The following RORA variants were observed in gnomAD, a reference collection of about 807,000 sequenced individuals.
RORA encodes nuclear receptor ROR-alpha.
Under a neutral mutation model 69.5 loss-of-function variants are expected in RORA, and 7 were observed. The ratio of observed to expected loss-of-function variants is 0.10; its 90% CI spans 0.06 to 0.19. RORA has a LOEUF of 0.19. Ranked by LOEUF, RORA falls within the 10% of genes least tolerant of loss-of-function variation. RORA has a pLI of 1.00. For missense variants in RORA, 457 were observed against 663.0 expected (o/e 0.69, Z 3.41); for synonymous variants, 261 against 240.8 (o/e 1.08, Z -0.78).
intron 2 of RORA, among the ~76,000 whole-genome samples, chr15:60,649,791 A>G (rs192160814): frequency 5.1e-4 from 78 of 152,274 alleles, no homozygotes; most frequent in Admixed American, 9.8e-4. Context: ...AGCAGTGGTA[A>G]TTACCAATAG....
In RORA at chr15:61,128,169, C is replaced by G. The variant is rs1339463380; in HGVS notation, c.166+100884G>C. ...TAAGTTGGAATGATTTGTATATTTTCCCTATATCATAATTGCTGTGTGTGT... is the reference window on the plus strand; with the variant it reads ...TAAGTTGGAATGATTTGTATATTTTGCCTATATCATAATTGCTGTGTGTGT... On this transcript the variant is annotated intron_variant, in intron 1 of 10. Coordinates refer to ENST00000335670, the MANE Select transcript of RORA (RefSeq NM_134261.3). This position sits in a 1 kb window ranked among gnomAD's most constrained non-coding sequence, Gnocchi z 4.5. Among the ~76,000 whole-genome samples, 1 of 151,734 alleles carries G rather than the reference C, an allele frequency of 6.6e-6. No homozygotes were observed. Among genetic ancestry groups the G allele is most frequent in the Non-Finnish European group, 1.5e-5 (1 of 67,944 alleles).
At chr15:60,540,007 A>G (rs1372137176) in intron 2 of RORA, among the ~76,000 whole-genome samples, 5 of 152,188 alleles carry the variant, frequency 3.3e-5, no homozygotes, top group Non-Finnish European at 7.3e-5. Flanking sequence ...GTCATTTCAT[A>G]TCAGCAGGAA....
Position 61,226,441 on chromosome 15 carries a change from T to C in RORA, c.166+2612A>G, listed in dbSNP as rs904169862. On this transcript the variant is annotated intron_variant, in intron 1 of 10. Coordinates refer to ENST00000335670, the MANE Select transcript of RORA (RefSeq NM_134261.3). The surrounding 1 kb of genome is among the most constrained non-coding windows in gnomAD (Gnocchi z 4.2). ...TTCCGATATTGTAATTTATGCAACA[T>C]TAATACTGGATGCCAGCTCCAATTT... Among the ~76,000 whole-genome samples, 1 of 152,230 alleles carries C rather than the reference T, an allele frequency of 6.6e-6. No individual in the cohort carries two copies. Among genetic ancestry groups the C allele is most frequent in the Non-Finnish European group, 1.5e-5 (1 of 68,048 alleles).
chr15:60,856,675 A>G (rs1364054470), intron 1 of RORA, among the ~76,000 whole-genome samples: 2 of 152,140 alleles, frequency 1.3e-5, no homozygotes, highest in Non-Finnish European at 2.9e-5. Context: ...AATTCAGGTG[A>G]CTCCTGGCAA....
intron 1 of RORA, among the ~76,000 whole-genome samples, chr15:60,760,660 T>G (rs1272032037): frequency 1.3e-5 from 2 of 152,192 alleles, no homozygotes; most frequent in African/African-American, 4.8e-5. Flanking sequence ...TTTCACCTAA[T>G]GCATAGCAGT....
At chr15:61,134,065 T>A (rs530517693) in intron 1 of RORA, among the ~76,000 whole-genome samples, 2 of 152,308 alleles carry the variant, frequency 1.3e-5, no homozygotes, top group East Asian at 3.9e-4. Flanking sequence ...CACAATTTAC[T>A]ATGTGAACAG....
At chr15:61,106,776 A>C (rs1267794634) in intron 1 of RORA, among the ~76,000 whole-genome samples, 1 of 152,180 alleles carries the variant, frequency 6.6e-6, no homozygotes, top group Non-Finnish European at 1.5e-5. Flanking sequence ...AAACCCTGGG[A>C]GGCCAAGGGC....
At position 60,587,133 on chromosome 15, in the gene RORA, T is replaced by C. The variant is rs185667917; in HGVS notation, c.197-55282A>G. ...TCTCTCAATTCTATCATAATGGCGA[T>C]TGGTTACACAGGTTAGCTGTACTTC... On this transcript the variant is annotated intron_variant, in intron 2 of 10. Transcript: ENST00000335670. Among the ~76,000 whole-genome samples, 54 of 152,312 alleles carry C rather than the reference T, an allele frequency of 3.5e-4. 1 individual carries two copies. In the East Asian group the frequency reaches 9.1e-3, roughly 26 times the overall value.
chr15:60,504,522 T>C (rs1329433701), intron 6 of RORA, among the ~76,000 whole-genome samples: 1 of 152,174 alleles, frequency 6.6e-6, no homozygotes, highest in Non-Finnish European at 1.5e-5. Flanking sequence ...AAGTGTCAGC[T>C]TGGCGACAGA....
At chr15:60,657,307 T>C (rs1231171814) in intron 2 of RORA, among the ~76,000 whole-genome samples, 1 of 152,098 alleles carries the variant, frequency 6.6e-6, no homozygotes, top group Non-Finnish European at 1.5e-5. Flanking sequence ...TGGGTCTAAC[T>C]GTAGCTTTGC....
intron 1 of RORA, among the ~76,000 whole-genome samples, chr15:61,189,856 C>CAA (rs71125907): frequency 0.25 from 10,613 of 42,866 alleles, 4,609 homozygotes; most frequent in African/African-American, 0.49. Context: ...GACTCTGTCT[C>CAA]AAAAAAAAAA....
intron 1 of RORA, among the ~76,000 whole-genome samples, chr15:61,130,539 T>G (rs1435125980): frequency 6.6e-6 from 1 of 152,202 alleles, no homozygotes; most frequent in Non-Finnish European, 1.5e-5. Flanking sequence ...TTTATAGATA[T>G]GAGTTCAAAC....
rs915853120 is a variant in RORA, at chr15:60,546,147, C to G, written c.197-14296G>C. 45 of 152,144 alleles carry G rather than the reference C, an allele frequency of 3.0e-4. 1 individual carries two copies. The highest frequency in any genetic ancestry group is 2.9e-3 in the Admixed American group (45 of 15,276). 9.4% of individuals were successfully genotyped at this position (152,144 alleles called of 1,614,324 possible). A position where few individuals can be genotyped will look rare whatever the true frequency, so the allele number is the denominator to read the frequency against. On this transcript the variant is annotated intron_variant, in intron 2 of 10. Transcript: ENST00000335670. Reference sequence around the variant, plus strand: ...TCATGGTTGACATTGCTAGGCCCTACCTTATTCAACTCTAACTGAAAAATG... The same window carrying G: ...TCATGGTTGACATTGCTAGGCCCTAGCTTATTCAACTCTAACTGAAAAATG...
chr15:60,743,344 G>C (rs1479282696), intron 1 of RORA, among the ~76,000 whole-genome samples: 1 of 152,072 alleles, frequency 6.6e-6, no homozygotes, highest in Non-Finnish European at 1.5e-5. Context: ...ACTGATACTG[G>C]TTCTATGATG....
chr15:60,742,894 G>C (rs950707283), intron 1 of RORA, among the ~76,000 whole-genome samples: 2 of 151,858 alleles, frequency 1.3e-5, no homozygotes, highest in African/African-American at 4.8e-5. Flanking sequence ...GTCATTATTT[G>C]ATGGACACTT....
At chr15:60,914,833 A>G (rs4516174) in intron 1 of RORA, among the ~76,000 whole-genome samples, 143,629 of 152,280 alleles carry the variant, frequency 0.94, 68,299 homozygotes, top group East Asian at 1. Flanking sequence ...CACCTTCTGA[A>G]AGACCCCAGA....
intron 1 of RORA, among the ~76,000 whole-genome samples, chr15:60,749,500 A>G (rs2140858841): frequency 6.6e-6 from 1 of 152,350 alleles, no homozygotes; most frequent in Admixed American, 6.5e-5. Flanking sequence ...TACACTAGCT[A>G]AGAGAGGGAG....
chr15:61,001,097 C>T (rs759904141), intron 1 of RORA, among the ~76,000 whole-genome samples: 3 of 152,218 alleles, frequency 2.0e-5, no homozygotes, highest in Non-Finnish European at 2.9e-5. Flanking sequence ...GTCTAACCCA[C>T]TGGTTTCTTG....
intron 1 of RORA, among the ~76,000 whole-genome samples, chr15:60,939,817 C>T (rs16943381): frequency 0.28 from 43,330 of 152,154 alleles, 6,843 homozygotes; most frequent in East Asian, 0.5. Flanking sequence ...CTGGACTTCC[C>T]TCTTTTCCCT....
Sources: allele counts gnomAD v4.1 joint callset (sites outside exome capture counted in the v4.1 genomes callset), GRCh38; gene constraint gnomAD v4.1.1; non-coding constraint Gnocchi (gnomAD v3.1); transcripts MANE v1.5; gene names NCBI Gene and HGNC (gene_info 2026-07-23, HGNC 2026-07-21).